TCF20: variants seen among roughly 807,000 people sequenced by gnomAD.
TCF20 encodes SPRE-binding protein.
Under a neutral mutation model 148.6 loss-of-function variants are expected in TCF20, and 3 were observed. The ratio of observed to expected loss-of-function variants is 0.02; its 90% CI spans 0.01 to 0.05. TCF20 has a LOEUF of 0.05. Among genes scored for constraint, TCF20 ranks in the 10% least tolerant of loss-of-function variants. The pLI is 1.00. For synonymous variants in TCF20, 1,049 were observed against 909.5 expected, an observed-to-expected ratio of 1.15 and a Z score of -2.76; for missense variants, 2,350 against 2,429.3, an observed-to-expected ratio of 0.97 and a Z score of 0.69.
rs190865967 is a variant in TCF20, at chr22:42,252,016, C to A, written c.-37+18323G>T. 4.9e-3 allele frequency among the ~76,000 whole-genome samples: 739 copies of A among 151,134 alleles called. 3 individuals are homozygous for A. Among genetic ancestry groups the A allele is most frequent in the Non-Finnish European group, 8.5e-3 (576 of 67,814 alleles). On this transcript the variant is annotated intron_variant, in intron 1 of 5. Transcript: ENST00000677622. ...GTCGGGAGTTTGAGACCAGCCTGGC[C>A]AACGTGGCAAAACCCTGCCAAGGTG...
Position 42,270,486 on chromosome 22 carries a change from G to T in TCF20, c.-184C>A, listed in dbSNP as rs1349488230. Among the ~76,000 whole-genome samples, 1 of 144,704 alleles carries T rather than the reference G, an allele frequency of 6.9e-6. No individual in the cohort carries two copies. The highest frequency in any genetic ancestry group is 1.5e-5 in the Non-Finnish European group (1 of 65,134). 94.9% of individuals were successfully genotyped at this position (144,704 alleles called of 152,430 possible). On this transcript the variant is annotated 5_prime_UTR_variant, in exon 1 of 6. Transcript: ENST00000677622. ...GGCGCCCGGGCCGGCGGCGGGGCGG[G>T]CCGGGGCCGCGGCCCCTCGAGGCTC...
intron 2 of TCF20, among the ~76,000 whole-genome samples, chr22:42,188,184 C>T (rs1006999411): frequency 1.4e-5 from 2 of 148,026 alleles, no homozygotes; most frequent in Admixed American, 6.9e-5. Context: ...ATCCCAGCTA[C>T]TCGGGAGGCT....
At chr22:42,239,329 A>G (rs913815929) in intron 1 of TCF20, among the ~76,000 whole-genome samples, 4 of 151,848 alleles carry the variant, frequency 2.6e-5, no homozygotes, top group East Asian at 1.9e-4. Context: ...ATACAAAATT[A>G]GCAGGGCGTG....
In TCF20 at chr22:42,174,862, C is replaced by T. The variant is rs576257896; in HGVS notation, c.5749+4747G>A. On this transcript the variant is annotated intron_variant, in intron 3 of 5. Coordinates refer to ENST00000677622, the MANE Select transcript of TCF20 (RefSeq NM_001378418.1). Reference sequence around the variant, plus strand: ...CATCCCGGCTAACACGGTGAAACCCCGTCTCTACTAAAAACAGAAAAAATT... The same window carrying T: ...CATCCCGGCTAACACGGTGAAACCCTGTCTCTACTAAAAACAGAAAAAATT... 5.5e-4 allele frequency among the ~76,000 whole-genome samples: 84 copies of T among 152,104 alleles called. 1 individual carries two copies. Among genetic ancestry groups the T allele is most frequent in the South Asian group, 2.1e-3 (10 of 4,820 alleles).
chr22:42,266,696 T>C (rs1926304908), intron 1 of TCF20, among the ~76,000 whole-genome samples: 1 of 151,570 alleles, frequency 6.6e-6, no homozygotes, highest in African/African-American at 2.4e-5. Context: ...GGGGAATCGC[T>C]TGAGCCTAGA....
At chr22:42,329,262 C>T (rs1168158985) in intron 1 of TCF20, among the ~76,000 whole-genome samples, 2 of 152,232 alleles carry the variant, frequency 1.3e-5, no homozygotes, top group East Asian at 1.9e-4. Context: ...AAACCATCCT[C>T]ATCCCCAGCA....
intron 2 of TCF20, among the ~76,000 whole-genome samples, chr22:42,208,369 A>G (rs190727545): frequency 6.6e-5 from 10 of 152,320 alleles, no homozygotes; most frequent in African/African-American, 2.2e-4. Context: ...GCACATGCCT[A>G]TAATCCTGGT....
chr22:42,253,315 G>A (rs1925527685), intron 1 of TCF20, among the ~76,000 whole-genome samples: 1 of 152,030 alleles, frequency 6.6e-6, no homozygotes, highest in Admixed American at 6.6e-5. Flanking sequence ...ACTGTCACTG[G>A]GTTCCAGAAA....
chr22:42,339,601 G>A (rs1928129171), intron 1 of TCF20, among the ~76,000 whole-genome samples: 1 of 152,232 alleles, frequency 6.6e-6, no homozygotes, highest in Non-Finnish European at 1.5e-5. Flanking sequence ...AGCATGTGCT[G>A]GACAATTACT....
rs1450904499 is a variant in TCF20, at chr22:42,338,028, A to G, written c.-37+5451T>C. Reference sequence around the variant, plus strand: ...CCACATGCCCCTTTCTCCACCAGTCACTGTGGCCAGAGGGAGGGGGTACTG... The same window carrying G: ...CCACATGCCCCTTTCTCCACCAGTCGCTGTGGCCAGAGGGAGGGGGTACTG... On this transcript the variant is annotated intron_variant, in intron 1 of 1. Transcript: ENST00000515426. The surrounding 1 kb of genome is among the most constrained non-coding windows in gnomAD (Gnocchi z 4.0). Among the ~76,000 whole-genome samples, 1 of 152,066 alleles carries G rather than the reference A, an allele frequency of 6.6e-6. No individual in the cohort carries two copies. The highest frequency in any genetic ancestry group is 1.5e-5 in the Non-Finnish European group (1 of 67,998).
intron 1 of TCF20, among the ~76,000 whole-genome samples, chr22:42,221,147 T>C (rs551093592): frequency 6.4e-4 from 97 of 152,172 alleles, no homozygotes; most frequent in Non-Finnish European, 1.3e-3. Context: ...AAGAGAGATT[T>C]AGAAGGCAAA....
chr22:42,197,070 G>T (rs1244721026), intron 2 of TCF20, among the ~76,000 whole-genome samples: 1 of 152,192 alleles, frequency 6.6e-6, no homozygotes, highest in Admixed American at 6.5e-5. Flanking sequence ...AGATAGGGCT[G>T]AATTTTCTCT....
Position 42,211,359 on chromosome 22 carries a change from G to A in TCF20, c.3947C>T (p.Ser1316Phe), listed in dbSNP as rs1181888706. ...ATCTGGACTTGGAAGGTCCTTGGAG[G>A]AATCTCTCTTAGGGATAGACTTGAT... ...QDIKSIPKRDSSKDLPSPDSR... is the reference protein window; with the variant it reads ...QDIKSIPKRDFSKDLPSPDSR... The change falls in exon 2 of 6, where the codon TCC (serine) becomes TTC (phenylalanine). Residue 1316 changes from serine (S) to phenylalanine (F), a missense_variant. By Grantham distance (155) the Ser-to-Phe change is radical. This residue lies in a region of TCF20 where 1,641 missense variants were observed against 1,662.6 expected (regional missense o/e 0.99). Transcript: ENST00000677622. 4 of 1,614,204 alleles carry A rather than the reference G, an allele frequency of 2.5e-6. No individual in the cohort carries two copies. Among genetic ancestry groups the A allele is most frequent in the Non-Finnish European group, 3.4e-6 (4 of 1,180,038 alleles).
chr22:42,323,869 G>GTGGTGGTGGTGGTGGAGGTTA (rs1927784573), intron 1 of TCF20, among the ~76,000 whole-genome samples: 3 of 135,418 alleles, frequency 2.2e-5, no homozygotes, highest in Non-Finnish European at 3.4e-5. Context: ...TATGGTGGTG[G>GTGGTGGTGGTGGTGGAGGTTA]TGGTGGTGGT....
intron 1 of TCF20, among the ~76,000 whole-genome samples, chr22:42,219,062 C>T (rs775786928): frequency 7.9e-5 from 12 of 151,968 alleles, no homozygotes; most frequent in Non-Finnish European, 1.6e-4. Flanking sequence ...CATATACCAA[C>T]GACAGAAAAT....
intron 2 of TCF20, among the ~76,000 whole-genome samples, chr22:42,204,324 G>T (rs565981868): frequency 6.6e-6 from 1 of 152,084 alleles, no homozygotes; most frequent in Admixed American, 6.6e-5. Flanking sequence ...CTCAAATCCC[G>T]TCTCTACTAA....
At chr22:42,262,623 C>G (rs1004530567) in intron 1 of TCF20, among the ~76,000 whole-genome samples, 1 of 151,920 alleles carries the variant, frequency 6.6e-6, no homozygotes, top group African/African-American at 2.4e-5. Context: ...CTGGGGAGAT[C>G]AGAGATCACC....
In TCF20 at chr22:42,160,218, A is replaced by G. The variant is rs548394071; in HGVS notation, c.*1185T>C. The G allele has an allele frequency of 4.0e-4, 61 of 152,740 alleles. No homozygotes were observed. The highest frequency in any genetic ancestry group is 1.4e-3 in the African/African-American group (59 of 41,564). The allele number at this position is 152,740 out of a possible 1,614,324, so 9.5% of individuals were successfully genotyped here. A position where few individuals can be genotyped will look rare whatever the true frequency, so the allele number is the denominator to read the frequency against. On this transcript the variant is annotated 3_prime_UTR_variant, in exon 6 of 6. Coordinates refer to ENST00000677622, the MANE Select transcript of TCF20 (RefSeq NM_001378418.1). ...AAACTCAGATATTTAAAAATTATAC[A>G]ATTTACAAAACAAAACAACACAACA...
chr22:42,334,107 G>A (rs569706334), intron 1 of TCF20, among the ~76,000 whole-genome samples: 1 of 152,296 alleles, frequency 6.6e-6, no homozygotes, highest in South Asian at 2.1e-4. Flanking sequence ...GAGAGGCCTG[G>A]TTCCCTGTCC....
Sources: allele counts gnomAD v4.1 joint callset (sites outside exome capture counted in the v4.1 genomes callset), GRCh38; gene constraint gnomAD v4.1.1; regional missense constraint gnomAD v4.1.1; non-coding constraint Gnocchi (gnomAD v3.1); transcripts MANE v1.5; gene names NCBI Gene and HGNC (gene_info 2026-07-23, HGNC 2026-07-21).